Variants in COLEC10 observed in about 807,000 individuals in gnomAD.
The protein encoded by COLEC10 is collectin-10.
In COLEC10, 22 loss-of-function variants were observed where a neutral mutation model predicts 28.4. The ratio of observed to expected loss-of-function variants is 0.78; its 90% CI spans 0.55 to 1.11. COLEC10 has a LOEUF of 1.11. COLEC10 is among the 50% of genes least tolerant of loss of function. The pLI, the probability that COLEC10 is intolerant of heterozygous loss-of-function variation, is 0.00. For synonymous variants in COLEC10, 125 were observed against 116.1 expected (o/e 1.08, Z -0.49); for missense variants, 361 against 344.1 (o/e 1.05, Z -0.39).
intron 1 of COLEC10, among the ~76,000 whole-genome samples, chr8:119,083,096 G>A (rs537522411): frequency 3.9e-5 from 6 of 152,168 alleles, no homozygotes; most frequent in African/African-American, 1.4e-4. Context: ...ACTTACACTC[G>A]TCAACCAAAC....
At chr8:119,005,068 T>G (rs2130071206) in intron 1 of COLEC10, among the ~76,000 whole-genome samples, 1 of 152,232 alleles carries the variant, frequency 6.6e-6, no homozygotes, top group East Asian at 1.9e-4. Flanking sequence ...TCTAAAATAT[T>G]TTTTCATCAC....
intron 2 of COLEC10, among the ~76,000 whole-genome samples, chr8:119,058,582 A>G (rs1196487443): frequency 1.3e-5 from 2 of 152,064 alleles, no homozygotes; most frequent in Non-Finnish European, 2.9e-5. Flanking sequence ...AGTGCCATCT[A>G]TGTTGCATGT....
At chr8:119,073,506 T>C (rs751869123) in intron 1 of COLEC10, among the ~76,000 whole-genome samples, 13 of 152,206 alleles carry the variant, frequency 8.5e-5, no homozygotes, top group Non-Finnish European at 1.6e-4. Context: ...TCTTTCATTA[T>C]GTGTTTTAAT....
chr8:119,079,402 C>T (rs1401666924), intron 1 of COLEC10, among the ~76,000 whole-genome samples: 2 of 152,186 alleles, frequency 1.3e-5, no homozygotes, highest in East Asian at 3.9e-4. Context: ...GCGCTTTGAT[C>T]CCAGATCCTA....
chr8:119,071,002 A>G (rs1465677363), intron 1 of COLEC10, among the ~76,000 whole-genome samples: 3 of 152,278 alleles, frequency 2.0e-5, no homozygotes, highest in African/African-American at 7.2e-5. Context: ...CTTGAACTTG[A>G]CCCTGGGCCT....
intron 1 of COLEC10, among the ~76,000 whole-genome samples, chr8:119,079,849 G>T (rs1178137879): frequency 6.6e-6 from 1 of 151,984 alleles, no homozygotes; most frequent in Non-Finnish European, 1.5e-5. Flanking sequence ...CACAATTAAG[G>T]GGTGAGTTGA....
chr8:119,054,936 C>T (rs904474293), intron 2 of COLEC10, among the ~76,000 whole-genome samples: 1 of 151,974 alleles, frequency 6.6e-6, no homozygotes, highest in African/African-American at 2.4e-5. Context: ...AAGTTTAGAT[C>T]TTCTCGAAAG....
intron 4 of COLEC10, chr8:119,102,774 G>T: frequency 5.3e-6 from 1 of 188,630 alleles, no homozygotes; most frequent in Non-Finnish European, 1.1e-5. Context: ...TGCAGCAGCA[G>T]CCTGACCAGA....
chr8:118,990,472 A>T (rs542625591), upstream of COLEC10, among the ~76,000 whole-genome samples: 2 of 152,306 alleles, frequency 1.3e-5, no homozygotes, highest in Admixed American at 6.5e-5. Context: ...AGGAAGATGG[A>T]CCTGAATTTT....
chr8:119,011,284 G>A (rs79405177), intron 2 of COLEC10, among the ~76,000 whole-genome samples: 1,794 of 150,760 alleles, frequency 0.012, 155 homozygotes, highest in African/African-American at 0.042. Context: ...AGATCAGTTG[G>A]CCATATTTAT....
At chr8:118,974,305 A>G in the COLEC10 span, among the ~76,000 whole-genome samples, 1 of 152,000 alleles carries the variant, frequency 6.6e-6, no homozygotes, top group Non-Finnish European at 1.5e-5. Flanking sequence ...CCTATTTGTT[A>G]AAATACAGAG....
chr8:119,025,533 G>A (rs1273942058), intron 2 of COLEC10, among the ~76,000 whole-genome samples: 2 of 152,042 alleles, frequency 1.3e-5, no homozygotes, highest in African/African-American at 4.8e-5. Context: ...GTAATGGCAG[G>A]GCAAGCTTTA....
intron 2 of COLEC10, among the ~76,000 whole-genome samples, chr8:119,059,595 A>G (rs1003552546): frequency 1.3e-5 from 2 of 152,050 alleles, no homozygotes; most frequent in Non-Finnish European, 2.9e-5. Context: ...TATTGAGCCT[A>G]TCTCTGTGAA....
intron 1 of COLEC10, among the ~76,000 whole-genome samples, chr8:119,002,898 TA>T (rs1262005956): frequency 6.6e-6 from 1 of 152,156 alleles, no homozygotes; most frequent in Non-Finnish European, 1.5e-5. Flanking sequence ...AACCTGACTT[TA>T]TTTCCTACTC....
At chr8:119,081,584 T>G (rs1815371027) in intron 1 of COLEC10, among the ~76,000 whole-genome samples, 1 of 152,184 alleles carries the variant, frequency 6.6e-6, no homozygotes, top group African/African-American at 2.4e-5. Context: ...TGTTTTTCGA[T>G]GGAGGCAGGA....
intron 2 of COLEC10, among the ~76,000 whole-genome samples, chr8:119,026,240 G>A (rs953586470): frequency 3.4e-4 from 51 of 152,162 alleles, no homozygotes; most frequent in Admixed American, 2.1e-3. Context: ...ATTTTGGGAA[G>A]CTACATAGAA....
At chr8:119,015,418 T>C (rs1313862521) in intron 2 of COLEC10, among the ~76,000 whole-genome samples, 4 of 151,106 alleles carry the variant, frequency 2.6e-5, no homozygotes, top group Middle Eastern at 3.2e-3. Context: ...GATTAGGCTT[T>C]GGTTGAATAG....
chr8:119,071,929 A>G (rs1463307607), intron 1 of COLEC10, among the ~76,000 whole-genome samples: 2 of 152,156 alleles, frequency 1.3e-5, no homozygotes, highest in Non-Finnish European at 2.9e-5. Flanking sequence ...ACATGCTCCC[A>G]AAAAAGGACT....
intron 2 of COLEC10, among the ~76,000 whole-genome samples, chr8:119,043,139 A>C (rs1370726257): frequency 6.6e-6 from 1 of 152,194 alleles, no homozygotes; most frequent in Non-Finnish European, 1.5e-5. Context: ...TATAATTTAA[A>C]AGGGAAGATT....
Sources: allele counts gnomAD v4.1 joint callset (sites outside exome capture counted in the v4.1 genomes callset), GRCh38; gene constraint gnomAD v4.1.1; transcripts MANE v1.5; gene names NCBI Gene and HGNC (gene_info 2026-07-23, HGNC 2026-07-21).